Variants in DMXL1 observed in about 807,000 individuals in gnomAD.
DMXL1 encodes Dmx like 1, also known as dmX-like protein 1.
Under a neutral mutation model 319.2 loss-of-function variants are expected in DMXL1, and 99 were observed. The ratio of observed to expected loss-of-function variants is 0.31; its 90% CI spans 0.26 to 0.37. The LOEUF (loss-of-function observed/expected upper bound fraction) is 0.37, where lower values mean the gene tolerates loss of function less well. Among genes scored for constraint, DMXL1 ranks in the 10% least tolerant of loss-of-function variants. The pLI, the probability that DMXL1 is intolerant of heterozygous loss-of-function variation, is 1.00. For synonymous variants in DMXL1, 1,385 were observed against 1,235.2 expected, an observed-to-expected ratio of 1.12 and a Z score of -2.54; for missense variants, 3,745 against 3,595.6, an observed-to-expected ratio of 1.04 and a Z score of -1.06.
chr5:119,094,848 A>C (rs963924558), intron 1 of DMXL1, among the ~76,000 whole-genome samples: 8 of 151,450 alleles, frequency 5.3e-5, no homozygotes, highest in Non-Finnish European at 8.8e-5. Context: ...AGACTTGCAC[A>C]ATCTTTTTTT....
intron 2 of DMXL1, among the ~76,000 whole-genome samples, chr5:119,101,496 T>C (rs1332112357): frequency 6.6e-6 from 1 of 152,266 alleles, no homozygotes; most frequent in African/African-American, 2.4e-5. Flanking sequence ...TTTTAAAATG[T>C]ACTCAGGGAG....
chr5:119,210,756 C>CTTTTTTTTT (rs1205202596), intron 34 of DMXL1, among the ~76,000 whole-genome samples: 2 of 65,968 alleles, frequency 3.0e-5, no homozygotes, highest in African/African-American at 1.0e-4. Flanking sequence ...TTTTTTCTTT[C>CTTTTTTTTT]GTTTTTTTTT....
chr5:119,106,638 C>T lies in DMXL1; in HGVS notation c.364+1380C>T, dbSNP rs546477301. Among the ~76,000 whole-genome samples, 11 of 152,120 alleles carry T rather than the reference C, an allele frequency of 7.2e-5. No individual in the cohort carries two copies. In the East Asian group the frequency reaches 2.1e-3, roughly 29 times the overall value. On this transcript the variant is annotated intron_variant, in intron 4 of 43. Transcript: ENST00000539542. Reference sequence around the variant, plus strand: ...AGGTTTTCAAAAGAGGCTAGTCATACAAGATTTATGGTTTTGCGAGATTTG... The same window carrying T: ...AGGTTTTCAAAAGAGGCTAGTCATATAAGATTTATGGTTTTGCGAGATTTG...
At chr5:119,128,054 C>G in intron 9 of DMXL1, 1 of 440,750 alleles carries the variant, frequency 2.3e-6, no homozygotes. Context: ...CCTCAATTTA[C>G]TATCAGTGTA....
chr5:119,121,060 T>C lies in DMXL1; in HGVS notation c.1023T>C (p.His341=). Residue 341 remains histidine (H), a synonymous_variant, in exon 9 of 44, where the codon CAT becomes CAC. Coordinates refer to ENST00000539542, the MANE Select transcript of DMXL1 (RefSeq NM_001290321.3). ...ATCTACCACATCAGCAGGATCCTCATCATGTTCACAGGAACACTCCACTGC... is the reference window on the plus strand; with the variant it reads ...ATCTACCACATCAGCAGGATCCTCACCATGTTCACAGGAACACTCCACTGC... ...TGYLPHQQDP[H]HVHRNTPLHA... 1 of 1,613,804 alleles carries C rather than the reference T, an allele frequency of 6.2e-7. No individual in the cohort carries two copies. The highest frequency in any genetic ancestry group is 1.1e-5 in the South Asian group (1 of 91,018).
At chr5:119,122,998 C>T (rs988352822) in intron 9 of DMXL1, among the ~76,000 whole-genome samples, 4 of 152,158 alleles carry the variant, frequency 2.6e-5, no homozygotes, top group Non-Finnish European at 5.9e-5. Flanking sequence ...CGCCACTGCA[C>T]TCCAGCCTGG....
At chr5:119,195,820 T>A (rs928963339) in intron 30 of DMXL1, among the ~76,000 whole-genome samples, 1 of 152,214 alleles carries the variant, frequency 6.6e-6, no homozygotes, top group Non-Finnish European at 1.5e-5. Flanking sequence ...AACCTGACTT[T>A]TTTAAAAATC....
chr5:119,241,759 T>G (rs773170371), intron 42 of DMXL1, among the ~76,000 whole-genome samples: 9 of 152,106 alleles, frequency 5.9e-5, no homozygotes, highest in Non-Finnish European at 1.0e-4. Flanking sequence ...AATGAAAAAT[T>G]CACAAGTGCC....
rs182174878 is a variant in DMXL1, at chr5:119,153,885, T to G, written c.4702+1849T>G. Among the ~76,000 whole-genome samples, 429 of 152,380 alleles carry G rather than the reference T, an allele frequency of 2.8e-3. 3 individuals are homozygous for G. The highest frequency in any genetic ancestry group is 9.7e-3 in the African/African-American group (403 of 41,596). On this transcript the variant is annotated intron_variant, in intron 19 of 43. Coordinates refer to ENST00000539542, the MANE Select transcript of DMXL1 (RefSeq NM_001290321.3). Reference sequence around the variant, plus strand: ...TGGCAACCGTTTGTTGAGCAAGTCTTTCAGCACCGTTTTTCCAACAGCATG... The same window carrying G: ...TGGCAACCGTTTGTTGAGCAAGTCTGTCAGCACCGTTTTTCCAACAGCATG...
intron 1 of DMXL1, among the ~76,000 whole-genome samples, chr5:119,074,119 A>G (rs1024385949): frequency 6.6e-6 from 1 of 152,092 alleles, no homozygotes; most frequent in African/African-American, 2.4e-5. Flanking sequence ...GGGTTTCACC[A>G]TGTTGGTCAG....
At chr5:119,102,468 C>G (rs1362360192) in intron 3 of DMXL1, among the ~76,000 whole-genome samples, 1 of 152,172 alleles carries the variant, frequency 6.6e-6, no homozygotes, top group Admixed American at 6.5e-5. Flanking sequence ...AAGCTGTACT[C>G]AGAAATAGTT....
At chr5:119,210,757 G>GGT (rs1287461878) in intron 34 of DMXL1, among the ~76,000 whole-genome samples, 4 of 89,778 alleles carry the variant, frequency 4.5e-5, no homozygotes, top group African/African-American at 1.6e-4. Flanking sequence ...TTTTTCTTTC[G>GGT]TTTTTTTTTT....
chr5:119,098,765 A>G (rs983340480), intron 2 of DMXL1, among the ~76,000 whole-genome samples: 6 of 152,214 alleles, frequency 3.9e-5, no homozygotes, highest in African/African-American at 1.4e-4. Flanking sequence ...ATATAGCTTA[A>G]AATAACTCCA....
intron 16 of DMXL1, 141 bp downstream of exon 16, chr5:119,147,097 A>C (rs965519236): frequency 4.3e-6 from 5 of 1,172,416 alleles, no homozygotes; most frequent in Non-Finnish European, 6.0e-6. Flanking sequence ...TTAATTCAAA[A>C]AGCTTTTCTT....
At chr5:119,200,470 A>G (rs745845576) in intron 32 of DMXL1, among the ~76,000 whole-genome samples, 1 of 152,136 alleles carries the variant, frequency 6.6e-6, no homozygotes. Context: ...TGTTTTGGTT[A>G]CTGTGTTTTT....
intron 9 of DMXL1, among the ~76,000 whole-genome samples, chr5:119,123,236 G>T (rs1762624206): frequency 6.6e-6 from 1 of 151,904 alleles, no homozygotes; most frequent in Non-Finnish European, 1.5e-5. Flanking sequence ...AGGCTGCAGT[G>T]AGCCGAGATG....
intron 1 of DMXL1, among the ~76,000 whole-genome samples, chr5:119,084,438 T>G (rs1752889544): frequency 6.6e-6 from 1 of 152,250 alleles, no homozygotes; most frequent in Admixed American, 6.5e-5. Flanking sequence ...AAAAGCGTTC[T>G]TTTTGCTTAA....
intron 28 of DMXL1, among the ~76,000 whole-genome samples, chr5:119,179,240 T>A (rs1776372253): frequency 1.3e-5 from 2 of 151,080 alleles, no homozygotes; most frequent in Non-Finnish European, 1.5e-5. Context: ...TTTTAATACA[T>A]AGTACTTGAA....
chr5:119,148,934 G>A lies in DMXL1; in HGVS notation c.3107G>A (p.Ser1036Asn). 1 of 1,613,896 alleles carries A rather than the reference G, an allele frequency of 6.2e-7. No homozygotes were observed. Among genetic ancestry groups the A allele is most frequent in the South Asian group, 1.1e-5 (1 of 91,082 alleles). ...WPLLIEDGLQ[S>N]NSSITVPGRP... Reference sequence around the variant, plus strand: ...TTACTTATTGAAGATGGACTTCAGAGCAATAGTAGTATAACTGTACCTGGT... The same window carrying A: ...TTACTTATTGAAGATGGACTTCAGAACAATAGTAGTATAACTGTACCTGGT... The change falls in exon 18 of 44, where the codon AGC (serine) becomes AAC (asparagine). Residue 1036 changes from serine (S) to asparagine (N), a missense_variant. Ser to Asn is a conservative substitution (Grantham distance 46). This residue lies in a region of DMXL1 where 2,096 missense variants were observed against 1,985.4 expected (regional missense o/e 1.06). Transcript: ENST00000539542.
Sources: gnomAD v4.1 joint callset for allele counts (sites outside exome capture counted in the v4.1 genomes callset) on GRCh38, gnomAD v4.1.1 for gene constraint, gnomAD v4.1.1 regional missense constraint, MANE v1.5 for transcripts, NCBI Gene and HGNC (gene_info 2026-07-23, HGNC 2026-07-21) for gene names.